Variants in RUFY2 observed in about 807,000 individuals in gnomAD.
RUFY2 encodes RUN and FYVE domain containing 2.
In RUFY2, 49 loss-of-function variants were observed where a neutral mutation model predicts 94.4. The observed-to-expected ratio is 0.52, with a 90% CI of 0.41 to 0.66. The LOEUF is 0.66. RUFY2 is among the 30% of genes least tolerant of loss of function. The probability of loss-of-function intolerance (pLI) is 0.00; values close to 1 mark genes in which losing one functional copy is unlikely to be tolerated. For missense variants in RUFY2, 541 were observed against 692.8 expected (o/e 0.78, Z 2.46); for synonymous variants, 255 against 235.7 (o/e 1.08, Z -0.75).
rs1295169617 is a variant in RUFY2, at chr10:68,345,826, C to T, written c.1763G>A (p.Arg588Gln). The T allele has an allele frequency of 1.9e-6, 3 of 1,613,912 alleles. No homozygotes were observed. The highest frequency in any genetic ancestry group is 2.5e-6 in the Non-Finnish European group (3 of 1,179,856). ...LPLPSSPKPV[R>Q]VCDSCHALLI... The stretch of plus-strand genomic sequence containing the variant: ...CAGTGCATGACAGGAATCACAAACC[C>T]GTACTGGTTTTGGTGAAGAAGGCAA... Residue 588 changes from arginine to glutamine, a missense_variant, in exon 18 of 18, where the codon CGG (arginine) becomes CAG (glutamine). Physicochemically the swap from Arg to Gln is conservative, Grantham distance 43. Around this residue, in one of 3 missense-constraint regions of RUFY2, gnomAD observed 403 missense variants for 480.7 expected, o/e 0.84. Coordinates refer to ENST00000602465, the MANE Select transcript of RUFY2 (RefSeq NM_001330103.2).
intron 12 of RUFY2, chr10:68,378,512 TA>T: frequency 9.0e-6 from 13 of 1,448,010 alleles, no homozygotes; most frequent in Non-Finnish European, 1.2e-5. Flanking sequence ...TAATATATTA[TA>T]AAATTGTTGA....
At chr10:68,352,624 A>G (rs1236429199) in intron 16 of RUFY2, among the ~76,000 whole-genome samples, 1 of 152,202 alleles carries the variant, frequency 6.6e-6, no homozygotes, top group Non-Finnish European at 1.5e-5. Flanking sequence ...TTATACAACT[A>G]ATTTGTTTTT....
At chr10:68,388,850 AAAAAGAAAAG>A (rs1156893083) in intron 7 of RUFY2, among the ~76,000 whole-genome samples, 1 of 125,284 alleles carries the variant, frequency 8.0e-6, no homozygotes, top group African/African-American at 2.5e-5. Context: ...AAAAAAAAAA[AAAAAGAAAAG>A]AAAAGAAAAA....
At chr10:68,364,278 A>G (rs1168070705) in intron 13 of RUFY2, among the ~76,000 whole-genome samples, 165 bp from the exon 14 acceptor site, 1 of 152,230 alleles carries the variant, frequency 6.6e-6, no homozygotes, top group African/African-American at 2.4e-5. Context: ...GTTCAGCAGC[A>G]CAGGGTTTTC....
intron 11 of RUFY2, among the ~76,000 whole-genome samples, chr10:68,379,964 C>A (rs757122253): frequency 6.6e-6 from 1 of 151,912 alleles, no homozygotes; most frequent in Non-Finnish European, 1.5e-5. Context: ...CCCGCCACTG[C>A]GCCCAGCTAA....
chr10:68,364,052 G>A lies in RUFY2; in HGVS notation c.1387C>T (p.Leu463Phe). 1 of 1,612,654 alleles carries A rather than the reference G, an allele frequency of 6.2e-7. No individual in the cohort carries two copies. The highest frequency in any genetic ancestry group is 8.5e-7 in the Non-Finnish European group (1 of 1,178,982). Residue 463 changes from leucine (L) to phenylalanine (F), a missense_variant, in exon 14 of 18, where the codon CTT becomes TTT. Leu to Phe is a conservative substitution (Grantham distance 22). Around this residue, in one of 3 missense-constraint regions of RUFY2, gnomAD observed 403 missense variants for 480.7 expected, o/e 0.84. Coordinates refer to ENST00000602465, the MANE Select transcript of RUFY2 (RefSeq NM_001330103.2). Reference protein sequence around the residue: ...KEWRQTLQEDLQKEKDALSHL... With the variant: ...KEWRQTLQEDFQKEKDALSHL... Reference sequence around the variant, plus strand: ...GATAAGGCATCTTTCTCCTTTTGAAGATCTTCCTGCAAAGTCTGCCTCCAT... The same window carrying A: ...GATAAGGCATCTTTCTCCTTTTGAAAATCTTCCTGCAAAGTCTGCCTCCAT...
intron 15 of RUFY2, among the ~76,000 whole-genome samples, chr10:68,358,209 A>AAAC (rs1266705505): frequency 6.6e-6 from 1 of 152,066 alleles, no homozygotes; most frequent in Non-Finnish European, 1.5e-5. Context: ...ACAAACAAAC[A>AAAC]AACAACAACA....
At chr10:68,361,629 A>AGCTTTG (rs2047469857) in intron 15 of RUFY2, among the ~76,000 whole-genome samples, 4 of 152,232 alleles carry the variant, frequency 2.6e-5, no homozygotes, top group African/African-American at 9.6e-5. Flanking sequence ...GTAAAGACAA[A>AGCTTTG]AACAGCTTTA....
intron 4 of RUFY2, among the ~76,000 whole-genome samples, chr10:68,395,414 C>A (rs1386556424): frequency 2.0e-5 from 3 of 151,746 alleles, no homozygotes; most frequent in Non-Finnish European, 2.9e-5. Context: ...GTGACTGCTG[C>A]TGATCTGATT....
At chr10:68,397,360 A>G (rs1478994871) in intron 3 of RUFY2, among the ~76,000 whole-genome samples, 2 of 152,306 alleles carry the variant, frequency 1.3e-5, no homozygotes, top group East Asian at 1.9e-4. Flanking sequence ...GTCAAAATAC[A>G]GTATTATAAT....
chr10:68,406,972 G>T, intron 1 of RUFY2: 1 of 1,536,938 alleles, frequency 6.5e-7, no homozygotes, highest in South Asian at 1.2e-5. Context: ...CTCAGAACCC[G>T]GGCGGGAACG....
rs376959731 is a variant in RUFY2, at chr10:68,378,890, A to G, written c.1205+534T>C. Among the ~76,000 whole-genome samples the G allele has an allele frequency of 1.4e-3, 210 of 152,360 alleles. 2 individuals are homozygous for G. The South Asian group carries it at 0.041, about 30-fold the overall frequency. On this transcript the variant is annotated intron_variant, in intron 12 of 17. Transcript: ENST00000602465. ...ATGTTGACACCAACATGACAGGGCA[A>G]TGGAAATACATTACATTTTCCAACA... is the stretch of plus-strand genomic sequence containing the variant.
At chr10:68,376,716 T>C (rs1029358261) in intron 13 of RUFY2, 137 bp downstream of exon 13, 6 of 739,862 alleles carry the variant, frequency 8.1e-6, no homozygotes, top group Non-Finnish European at 1.3e-5. Flanking sequence ...TCTAAATTTT[T>C]TTGTTTTTTA....
rs1174445590 is a variant in RUFY2 at position 68,394,410 on chromosome 10, CCTT to C, written c.437_439del (p.Glu146del). On this transcript the variant is annotated inframe_deletion, in exon 5 of 18. Transcript: ENST00000602465. The stretch of plus-strand genomic sequence containing the variant: ...AACCAGCAGCCCAACAATTACTGCT[CCTT>C]CTTCTTCCATCATTAGTGCGTGATA... The C allele has an allele frequency of 6.2e-7, 1 of 1,613,536 alleles. No homozygotes were observed. The highest frequency in any genetic ancestry group is 8.5e-7 in the Non-Finnish European group (1 of 1,179,692).
At chr10:68,388,925 A>T (rs2049761089) in intron 7 of RUFY2, among the ~76,000 whole-genome samples, 1 of 152,254 alleles carries the variant, frequency 6.6e-6, no homozygotes, top group African/African-American at 2.4e-5. Context: ...GCAGGGTCTC[A>T]TCTGTCACCC....
In RUFY2 at chr10:68,345,279, A is replaced by G; in HGVS notation, c.*489T>C. 4.7e-6 allele frequency: 1 copy of G among 211,350 alleles called. No homozygotes were observed. 13.1% of individuals were successfully genotyped at this position (211,350 alleles called of 1,614,324 possible). ...TGTCTAATGCAAGAGGCAAAGGGAG[A>G]GGGGGAGAAGAAAGGGCAAATAAAT... is the stretch of plus-strand genomic sequence containing the variant. On this transcript the variant is annotated 3_prime_UTR_variant, in exon 18 of 18. Coordinates refer to ENST00000602465, the MANE Select transcript of RUFY2 (RefSeq NM_001330103.2).
chr10:68,363,549 A>G, intron 15 of RUFY2, 41 bp downstream of exon 15: 1 of 1,298,358 alleles, frequency 7.7e-7, no homozygotes, highest in Non-Finnish European at 1.1e-6. Flanking sequence ...CTTTTATAAA[A>G]GTCAATAATG....
chr10:68,388,837 C>CA (rs71009052), intron 7 of RUFY2, among the ~76,000 whole-genome samples: 49,669 of 101,954 alleles, frequency 0.49, 11,062 homozygotes, highest in Non-Finnish European at 0.6. Context: ...AACCCTGTCT[C>CA]AAAAAAAAAA....
chr10:68,393,517 C>T (rs1386236397), intron 6 of RUFY2, among the ~76,000 whole-genome samples: 2 of 151,990 alleles, frequency 1.3e-5, no homozygotes, highest in Non-Finnish European at 2.9e-5. Flanking sequence ...CACTTGAGTC[C>T]AGGAGTTCAA....
Sources: gnomAD v4.1 joint callset for allele counts (sites outside exome capture counted in the v4.1 genomes callset) on GRCh38, gnomAD v4.1.1 for gene constraint, gnomAD v4.1.1 regional missense constraint, MANE v1.5 for transcripts, NCBI Gene and HGNC (gene_info 2026-07-23, HGNC 2026-07-21) for gene names.